Variants in AGBL1 observed in about 807,000 individuals in gnomAD.
The protein encoded by AGBL1 is AGBL carboxypeptidase 1.
In AGBL1, 130 loss-of-function variants were observed where a neutral mutation model predicts 118.9. That is an observed-to-expected ratio of 1.09 (90% CI 0.95 to 1.26). The LOEUF (loss-of-function observed/expected upper bound fraction) is 1.26, where lower values mean the gene tolerates loss of function less well. Among genes scored for constraint, AGBL1 ranks in the 50% most tolerant of loss-of-function variants. The pLI is 0.00. For synonymous variants in AGBL1, 555 were observed against 478.9 expected (o/e 1.16, Z -2.08); for missense variants, 1,584 against 1,298.1 (o/e 1.22, Z -3.38).
chr15:86,495,031 C>T (rs2082830102), intron 18 of AGBL1, among the ~76,000 whole-genome samples: 1 of 151,778 alleles, frequency 6.6e-6, no homozygotes, highest in Non-Finnish European at 1.5e-5. Flanking sequence ...ATCCTTGCTT[C>T]ACCAAAATTG....
At chr15:86,329,871 G>A (rs1166860188) in intron 17 of AGBL1, among the ~76,000 whole-genome samples, 1 of 151,406 alleles carries the variant, frequency 6.6e-6, no homozygotes, top group East Asian at 2.0e-4. Flanking sequence ...AAGTGGAGAG[G>A]AGCCTTCTTT....
chr15:86,225,619 A>G (rs2078349671), intron 6 of AGBL1, among the ~76,000 whole-genome samples: 1 of 152,150 alleles, frequency 6.6e-6, no homozygotes, highest in African/African-American at 2.4e-5. Context: ...CATGTGTGCA[A>G]TATAATAGCA....
chr15:86,521,742 T>TGGC (rs1429774475), intron 18 of AGBL1, among the ~76,000 whole-genome samples: 3 of 152,130 alleles, frequency 2.0e-5, no homozygotes, highest in Non-Finnish European at 4.4e-5. Context: ...ACAAACTGGG[T>TGGC]GGCTTAAAAC....
intron 22 of AGBL1, among the ~76,000 whole-genome samples, chr15:86,836,455 C>T (rs1319886184): frequency 6.6e-6 from 1 of 152,134 alleles, no homozygotes; most frequent in East Asian, 1.9e-4. Context: ...AGAAATACTC[C>T]AGACACACCG....
At chr15:86,564,435 C>A (rs1290899731) in intron 21 of AGBL1, among the ~76,000 whole-genome samples, 2 of 152,160 alleles carry the variant, frequency 1.3e-5, no homozygotes. Flanking sequence ...AAATTCTTTT[C>A]TTTAAGAATG....
chr15:86,347,567 G>A (rs957547323), intron 17 of AGBL1, among the ~76,000 whole-genome samples: 3 of 152,166 alleles, frequency 2.0e-5, no homozygotes, highest in Non-Finnish European at 4.4e-5. Flanking sequence ...CTGATACAGA[G>A]GTGAAATATT....
At chr15:86,362,462 G>A (rs1025303830) in intron 17 of AGBL1, among the ~76,000 whole-genome samples, 5 of 152,110 alleles carry the variant, frequency 3.3e-5, no homozygotes, top group African/African-American at 1.2e-4. Context: ...GACTCACTTA[G>A]GATATATATT....
intron 6 of AGBL1, among the ~76,000 whole-genome samples, chr15:86,226,690 C>G (rs1017636390): frequency 3.3e-5 from 5 of 152,186 alleles, no homozygotes; most frequent in Non-Finnish European, 5.9e-5. Context: ...TTTCAACACA[C>G]CAGCCATGCC....
chr15:86,687,153 G>A (rs2142586777), intron 22 of AGBL1, among the ~76,000 whole-genome samples: 1 of 152,264 alleles, frequency 6.6e-6, no homozygotes, highest in Non-Finnish European at 1.5e-5. Flanking sequence ...GCTATATATG[G>A]AAACAAAGGC....
intron 22 of AGBL1, among the ~76,000 whole-genome samples, chr15:86,789,501 T>C (rs537824656): frequency 1.3e-5 from 2 of 152,296 alleles, no homozygotes; most frequent in South Asian, 4.1e-4. Context: ...AACAGCTGAA[T>C]ACAAATGGAC....
intron 6 of AGBL1, among the ~76,000 whole-genome samples, chr15:86,238,478 T>C (rs2078589524): frequency 6.6e-6 from 1 of 152,198 alleles, no homozygotes; most frequent in Non-Finnish European, 1.5e-5. Context: ...TTTATTTGCA[T>C]CTAAGAAGCA....
At chr15:86,648,993 G>A (rs1164918944) in intron 21 of AGBL1, among the ~76,000 whole-genome samples, 2 of 152,080 alleles carry the variant, frequency 1.3e-5, no homozygotes, top group African/African-American at 4.8e-5. Context: ...AAGGAAGAGT[G>A]ATATGAAGAG....
At chr15:86,551,991 A>T (rs2346728) in intron 20 of AGBL1, among the ~76,000 whole-genome samples, 98,476 of 152,094 alleles carry the variant, frequency 0.65, 33,601 homozygotes, top group East Asian at 0.89. Flanking sequence ...GAAGGAAGGA[A>T]AAATAGGTGG....
chr15:86,610,102 T>C (rs1042531365), intron 21 of AGBL1, among the ~76,000 whole-genome samples: 2 of 152,178 alleles, frequency 1.3e-5, no homozygotes, highest in Admixed American at 1.3e-4. Context: ...TTGTTTTCTA[T>C]TAGGGATTTA....
intron 18 of AGBL1, among the ~76,000 whole-genome samples, chr15:86,488,461 A>G (rs1437655097): frequency 6.6e-6 from 1 of 151,980 alleles, no homozygotes; most frequent in East Asian, 1.9e-4. Context: ...GATCAGTTAG[A>G]GTTTGAGGGT....
At chr15:86,258,739 C>T (rs1425828330) in intron 9 of AGBL1, among the ~76,000 whole-genome samples, 1 of 152,030 alleles carries the variant, frequency 6.6e-6, no homozygotes, top group Non-Finnish European at 1.5e-5. Context: ...CAGAGTCTCA[C>T]TCGTGTCACC....
intron 22 of AGBL1, among the ~76,000 whole-genome samples, chr15:86,820,347 G>T (rs931946732): frequency 3.9e-5 from 6 of 152,262 alleles, no homozygotes; most frequent in African/African-American, 1.4e-4. Flanking sequence ...TCACCAGAGT[G>T]AACAGGCAAC....
At chr15:86,314,828 C>T (rs2079975619) in intron 17 of AGBL1, among the ~76,000 whole-genome samples, 1 of 152,128 alleles carries the variant, frequency 6.6e-6, no homozygotes, top group African/African-American at 2.4e-5. Context: ...CCATAAAAAG[C>T]CATGTTTTCA....
At chr15:86,767,879 T>C (rs1398954672) in intron 22 of AGBL1, among the ~76,000 whole-genome samples, 1 of 151,998 alleles carries the variant, frequency 6.6e-6, no homozygotes, top group Non-Finnish European at 1.5e-5. Flanking sequence ...CAAACAATCT[T>C]ATGTTCTATT....
Sources: allele counts gnomAD v4.1 joint callset (sites outside exome capture counted in the v4.1 genomes callset), GRCh38; gene constraint gnomAD v4.1.1; transcripts MANE v1.5; gene names NCBI Gene and HGNC (gene_info 2026-07-23, HGNC 2026-07-21).